CADM2: variants seen among roughly 807,000 people sequenced by gnomAD.
The protein encoded by CADM2 is cell adhesion molecule 2.
In CADM2, 12 loss-of-function variants were observed where a neutral mutation model predicts 49.8. That is an observed-to-expected ratio of 0.24 (90% confidence interval 0.15 to 0.39). The LOEUF is 0.39. Ranked by LOEUF, CADM2 falls within the 10% of genes least tolerant of loss-of-function variation. CADM2 has a pLI of 1.00. For synonymous variants in CADM2, 214 were observed against 175.4 expected (o/e 1.22, Z -1.74); for missense variants, 378 against 492.3 (o/e 0.77, Z 2.20).
At chr3:85,714,554 G>A (rs1225943406) in intron 1 of CADM2, among the ~76,000 whole-genome samples, 1 of 151,952 alleles carries the variant, frequency 6.6e-6, no homozygotes, top group Non-Finnish European at 1.5e-5. Context: ...AGCCTCCTGA[G>A]TAACTGGGAC....
At chr3:85,801,380 C>A (rs1313475905) in intron 2 of CADM2, among the ~76,000 whole-genome samples, 1 of 151,964 alleles carries the variant, frequency 6.6e-6, no homozygotes, top group Non-Finnish European at 1.5e-5. Flanking sequence ...AATCGAGAAA[C>A]TACAGAAAGG....
intron 7 of CADM2, among the ~76,000 whole-genome samples, chr3:85,942,363 T>C (rs957985843): frequency 4.6e-5 from 7 of 151,962 alleles, no homozygotes; most frequent in Non-Finnish European, 8.8e-5. Context: ...CCTTAAGTTC[T>C]AGGGTACATG....
chr3:86,011,947 GTAAT>G (rs34594608), intron 8 of CADM2, among the ~76,000 whole-genome samples: 41,854 of 151,544 alleles, frequency 0.28, 6,790 homozygotes, highest in African/African-American at 0.46. Context: ...ATACAATTAA[GTAAT>G]TAATTAAGAA....
At chr3:85,148,957 C>T in intron 1 of CADM2, among the ~76,000 whole-genome samples, 1 of 152,038 alleles carries the variant, frequency 6.6e-6, no homozygotes, top group Non-Finnish European at 1.5e-5. Context: ...TGGACACGTG[C>T]AGTTCAAACC....
chr3:85,329,223 T>C (rs1201864063), intron 1 of CADM2, among the ~76,000 whole-genome samples: 3 of 152,222 alleles, frequency 2.0e-5, no homozygotes, highest in African/African-American at 7.2e-5. Context: ...TGTCCTACTT[T>C]TTGGAAGCAG....
rs111865561 is a variant in CADM2 at position 85,221,059 on chromosome 3, C to A, written c.61+261391C>A. Among the ~76,000 whole-genome samples the A allele has an allele frequency of 7.8e-4, 119 of 152,218 alleles. No homozygotes were observed. In the East Asian group the frequency reaches 9.9e-3, roughly 13 times the overall value. ...AGAATTAATGCCCAGAGTAAAGAAT[C>A]GGATGAGGAAACCTCTATTGTCTCA... On this transcript the variant is annotated intron_variant, in intron 1 of 9. Transcript: ENST00000383699.
At chr3:85,886,376 T>A in intron 5 of CADM2, 49 bp downstream of exon 5, 1 of 1,412,558 alleles carries the variant, frequency 7.1e-7, no homozygotes, top group South Asian at 1.2e-5. Context: ...GAAACCAGTA[T>A]GACATGTTAA....
At chr3:85,948,375 T>C (rs1722998215) in intron 7 of CADM2, among the ~76,000 whole-genome samples, 1 of 151,448 alleles carries the variant, frequency 6.6e-6, no homozygotes, top group African/African-American at 2.4e-5. Context: ...ATCCCTCTAG[T>C]AGTCACCAGT....
At chr3:85,181,648 G>A (rs1382156603) in intron 1 of CADM2, among the ~76,000 whole-genome samples, 1 of 151,764 alleles carries the variant, frequency 6.6e-6, no homozygotes, top group East Asian at 1.9e-4. Flanking sequence ...GCTCACTGAG[G>A]TTTCTACACA....
chr3:85,952,439 C>T (rs1723553738), intron 7 of CADM2, among the ~76,000 whole-genome samples: 1 of 150,942 alleles, frequency 6.6e-6, no homozygotes, highest in Non-Finnish European at 1.5e-5. Context: ...GCCCTCTTCC[C>T]TGATTTCTAA....
intron 1 of CADM2, among the ~76,000 whole-genome samples, chr3:85,637,002 T>G (rs1222483029): frequency 6.6e-6 from 1 of 152,184 alleles, no homozygotes; most frequent in East Asian, 1.9e-4. Context: ...TGAATACCTA[T>G]TATATCCCAT....
At chr3:85,341,778 A>G (rs1233805936) in intron 1 of CADM2, among the ~76,000 whole-genome samples, 1 of 152,122 alleles carries the variant, frequency 6.6e-6, no homozygotes, top group Non-Finnish European at 1.5e-5. Flanking sequence ...ATAAAGATTT[A>G]ATCATTCATT....
chr3:85,212,872 T>TTCTTTCTC, intron 1 of CADM2, among the ~76,000 whole-genome samples: 1 of 91,280 alleles, frequency 1.1e-5, no homozygotes, highest in South Asian at 3.1e-4. Context: ...CTTTCTTTCT[T>TTCTTTCTC]TCTTTCTTTC....
intron 8 of CADM2, among the ~76,000 whole-genome samples, chr3:86,008,629 G>T (rs906978325): frequency 6.6e-6 from 1 of 151,952 alleles, no homozygotes; most frequent in African/African-American, 2.4e-5. Flanking sequence ...TCACCAAAGA[G>T]GATTTAGAGG....
At chr3:85,983,780 T>C (rs1268537111) in intron 8 of CADM2, among the ~76,000 whole-genome samples, 1 of 136,710 alleles carries the variant, frequency 7.3e-6, no homozygotes, top group Non-Finnish European at 1.6e-5. Flanking sequence ...CATTTATATC[T>C]ATCTGTCTAT....
At chr3:85,938,111 T>A (rs768534153) in intron 7 of CADM2, among the ~76,000 whole-genome samples, 1 of 152,084 alleles carries the variant, frequency 6.6e-6, no homozygotes, top group African/African-American at 2.4e-5. Context: ...GTTCTTCTAA[T>A]CATCTTAAAT....
At chr3:85,722,632 A>G (rs2107771584) in intron 1 of CADM2, among the ~76,000 whole-genome samples, 1 of 152,352 alleles carries the variant, frequency 6.6e-6, no homozygotes, top group African/African-American at 2.4e-5. Context: ...TAAATCCAGT[A>G]AGCTCTATAT....
At chr3:84,977,659 A>C (rs1375942306) in intron 1 of CADM2, among the ~76,000 whole-genome samples, 1 of 152,054 alleles carries the variant, frequency 6.6e-6, no homozygotes, top group Non-Finnish European at 1.5e-5. Context: ...GCAGTTTACA[A>C]ATTTTCAGAT....
In CADM2 at chr3:85,495,229, G is replaced by A. The variant is rs141270396; in HGVS notation, c.62-231293G>A. ...ACAATAACAAGTTCATCAGAGTGAC[G>A]ACTAATGTTAATTTTCTTCTCTTCC... On this transcript the variant is annotated intron_variant, in intron 1 of 9. Transcript: ENST00000383699. 1.4e-4 allele frequency among the ~76,000 whole-genome samples: 22 copies of A among 152,216 alleles called. No homozygotes were observed. The East Asian group carries it at 3.9e-3, about 27-fold the overall frequency.
Sources: gnomAD v4.1 joint callset for allele counts (sites outside exome capture counted in the v4.1 genomes callset) on GRCh38, gnomAD v4.1.1 for gene constraint, MANE v1.5 for transcripts, NCBI Gene and HGNC (gene_info 2026-07-23, HGNC 2026-07-21) for gene names.